ARHGAP5: variants seen among roughly 807,000 people sequenced by gnomAD.
ARHGAP5 encodes the protein Rho GTPase activating protein 5.
Under a neutral mutation model 116.6 loss-of-function variants are expected in ARHGAP5, and 23 were observed. The ratio of observed to expected loss-of-function variants is 0.20; its 90% confidence interval spans 0.14 to 0.28. The LOEUF is 0.28. ARHGAP5 is among the 10% of genes least tolerant of loss of function. ARHGAP5 has a pLI of 1.00. For missense variants in ARHGAP5, 1,405 were observed against 1,774.8 expected (o/e 0.79, Z 3.74); for synonymous variants, 574 against 602.0 (o/e 0.95, Z 0.68).
At chr14:32,099,094 A>G (rs1025605605) in intron 2 of ARHGAP5, among the ~76,000 whole-genome samples, 2 of 152,186 alleles carry the variant, frequency 1.3e-5, no homozygotes, top group Non-Finnish European at 2.9e-5. Flanking sequence ...CCTAAAACGC[A>G]TAGGATGTGT....
Position 32,092,410 on chromosome 14 carries a change from C to G in ARHGAP5, c.1741C>G (p.His581Asp). 1 of 1,613,488 alleles carries G rather than the reference C, an allele frequency of 6.2e-7. No individual in the cohort carries two copies. Among genetic ancestry groups the G allele is most frequent in the Non-Finnish European group, 8.5e-7 (1 of 1,179,752 alleles). ...TGCTAGTAGTCTTTTACAGTTGGAT[C>G]ATGGCCGCTTAAGATTATATCACGA... ...LLASSLLQLD[H>D]GRLRLYHDST... Residue 581 changes from histidine (H) to aspartate (D), a missense_variant, in exon 2 of 7, where the codon CAT (histidine) becomes GAT (aspartate). Physicochemically the swap from His to Asp is moderately conservative, Grantham distance 81. Around this residue, in one of 6 missense-constraint regions of ARHGAP5, gnomAD observed 944 missense variants for 1,095.3 expected, o/e 0.86. Coordinates refer to ENST00000345122, the MANE Select transcript of ARHGAP5 (RefSeq NM_001030055.2). This position sits in a 1 kb window ranked among gnomAD's most constrained non-coding sequence, Gnocchi z 4.1.
intron 4 of ARHGAP5, 37 bp from the exon 5 acceptor site, chr14:32,149,865 T>C (rs1182552315): frequency 1.6e-6 from 2 of 1,265,744 alleles, no homozygotes; most frequent in Non-Finnish European, 2.1e-6. Flanking sequence ...AATAAAGTTT[T>C]ATTATATAAT....
At chr14:32,152,137 G>A (rs1300588970) in intron 5 of ARHGAP5, among the ~76,000 whole-genome samples, 1 of 152,128 alleles carries the variant, frequency 6.6e-6, no homozygotes, top group African/African-American at 2.4e-5. Context: ...AGGGGATCTA[G>A]GTTGTGCACG....
chr14:32,089,250 A>G (rs2041860710), intron 1 of ARHGAP5, among the ~76,000 whole-genome samples: 1 of 151,970 alleles, frequency 6.6e-6, no homozygotes, highest in African/African-American at 2.4e-5. Context: ...TGTAATTGAA[A>G]TAGATGTTTA....
intron 1 of ARHGAP5, among the ~76,000 whole-genome samples, chr14:32,084,344 A>G (rs2041807954): frequency 6.6e-6 from 1 of 152,078 alleles, no homozygotes; most frequent in Non-Finnish European, 1.5e-5. Context: ...ATATACCCCT[A>G]TTGTGTGTTA....
intron 3 of ARHGAP5, among the ~76,000 whole-genome samples, chr14:32,125,942 A>T (rs1880132053): frequency 6.6e-6 from 1 of 151,946 alleles, no homozygotes; most frequent in Admixed American, 6.6e-5. Flanking sequence ...TGTAGAACTG[A>T]TTTTTGTGTG....
At chr14:32,141,207 TA>T (rs1381104198) in intron 3 of ARHGAP5, among the ~76,000 whole-genome samples, 1 of 152,210 alleles carries the variant, frequency 6.6e-6, no homozygotes, top group African/African-American at 2.4e-5. Context: ...TTTGGTACTG[TA>T]GTGATTGTCT....
chr14:32,078,677 G>GT (rs2041740192), intron 1 of ARHGAP5, among the ~76,000 whole-genome samples: 1 of 152,132 alleles, frequency 6.6e-6, no homozygotes, highest in African/African-American at 2.4e-5. Flanking sequence ...AGAATGTTAG[G>GT]TGGTGTTTAT....
Position 32,093,801 on chromosome 14 carries a change from A to G in ARHGAP5, c.3132A>G (p.Pro1044=). ...HKVPPPIKPK[P]VVPKTNVKKL... ...TGCCTCCACCTATTAAACCTAAACC[A>G]GTTGTACCTAAGACAAATGTGAAAA... The change falls in exon 2 of 7, where the codon CCA becomes CCG. Residue 1044 remains proline, a synonymous_variant. Coordinates refer to ENST00000345122, the MANE Select transcript of ARHGAP5 (RefSeq NM_001030055.2). The G allele has an allele frequency of 6.2e-7, 1 of 1,613,906 alleles. No homozygotes were observed.
intron 3 of ARHGAP5, among the ~76,000 whole-genome samples, chr14:32,127,427 C>T (rs1880227394): frequency 6.6e-6 from 1 of 152,126 alleles, no homozygotes; most frequent in Non-Finnish European, 1.5e-5. Context: ...ACATCTTGCA[C>T]CGCCCTTAAT....
chr14:32,127,956 A>G (rs1207186800), intron 3 of ARHGAP5, among the ~76,000 whole-genome samples: 2 of 144,790 alleles, frequency 1.4e-5, no homozygotes, highest in East Asian at 2.1e-4. Flanking sequence ...GGTGCTCCCC[A>G]CTTCCCAGAC....
In ARHGAP5 at chr14:32,152,427, C is replaced by G; in HGVS notation, c.4080C>G (p.Ile1360Met). 1 of 1,588,816 alleles carries G rather than the reference C, an allele frequency of 6.3e-7. No individual in the cohort carries two copies. Among genetic ancestry groups the G allele is most frequent in the Non-Finnish European group, 8.6e-7 (1 of 1,168,318 alleles). ...LHPELLEAAKIPDKTERLHAL... is the reference protein window; with the variant it reads ...LHPELLEAAKMPDKTERLHAL... ...TTCACTGTTTTAATTTTACAGAAAT[C>G]CCGGATAAAACAGAACGTCTTCATG... The change falls in exon 6 of 7, where the codon ATC becomes ATG. Residue 1360 changes from isoleucine to methionine, a missense_variant. Transcript: ENST00000345122.
chr14:32,093,945 G>A lies in ARHGAP5; in HGVS notation c.3276G>A (p.Ala1092=), dbSNP rs1380410163. ...ATATGGATCCTTCAGATAACTATGC[G>A]GAACCCATTGATACAATTTTCAAAC... ...PEDMDPSDNY[A]EPIDTIFKQK... is the part of the protein sequence containing the mutation. The change falls in exon 2 of 7, where the codon GCG becomes GCA. Residue 1092 remains alanine (A), a synonymous_variant. Coordinates refer to ENST00000345122, the MANE Select transcript of ARHGAP5 (RefSeq NM_001030055.2). The A allele has an allele frequency of 5.0e-6, 8 of 1,613,948 alleles. No homozygotes were observed. The highest frequency in any genetic ancestry group is 1.1e-5 in the South Asian group (1 of 91,042).
At chr14:32,101,342 A>C (rs187662641) in intron 2 of ARHGAP5, among the ~76,000 whole-genome samples, 9 of 152,304 alleles carry the variant, frequency 5.9e-5, no homozygotes, top group African/African-American at 2.2e-4. Context: ...ACAAGGTATT[A>C]ATCTGATATT....
At chr14:32,138,641 A>G (rs1880937543) in intron 3 of ARHGAP5, among the ~76,000 whole-genome samples, 3 of 152,158 alleles carry the variant, frequency 2.0e-5, no homozygotes, top group Non-Finnish European at 1.5e-5. Flanking sequence ...AAGTCATGTC[A>G]TCTGTAAATA....
At chr14:32,088,476 C>T (rs772812962) in intron 1 of ARHGAP5, among the ~76,000 whole-genome samples, 5 of 151,830 alleles carry the variant, frequency 3.3e-5, no homozygotes, top group Non-Finnish European at 5.9e-5. Context: ...CCATTTCTAT[C>T]ACTGTGTATA....
At chr14:32,116,807 C>T (rs546880203) in intron 2 of ARHGAP5, among the ~76,000 whole-genome samples, 1 of 152,290 alleles carries the variant, frequency 6.6e-6, no homozygotes, top group Admixed American at 6.5e-5. Flanking sequence ...TAATATATCA[C>T]ACCTAAACTG....
chr14:32,080,455 T>A (rs2041760747), intron 1 of ARHGAP5, among the ~76,000 whole-genome samples: 1 of 151,798 alleles, frequency 6.6e-6, no homozygotes, highest in South Asian at 2.1e-4. Context: ...AACTTCAAAG[T>A]TAAAAAAAAA....
At chr14:32,088,795 A>G (rs185058051) in intron 1 of ARHGAP5, among the ~76,000 whole-genome samples, 65 of 152,158 alleles carry the variant, frequency 4.3e-4, no homozygotes, top group Admixed American at 1.1e-3. Context: ...TCCAAGAATC[A>G]AATAAAGAAC....
Sources: allele counts gnomAD v4.1 joint callset (sites outside exome capture counted in the v4.1 genomes callset), GRCh38; gene constraint gnomAD v4.1.1; regional missense constraint gnomAD v4.1.1; non-coding constraint Gnocchi (gnomAD v3.1); transcripts MANE v1.5; gene names NCBI Gene and HGNC (gene_info 2026-07-23, HGNC 2026-07-21).